CNTN3: variants seen among roughly 807,000 people sequenced by gnomAD.
The protein encoded by CNTN3 is contactin 3.
CNTN3 carries 60 observed loss-of-function variants against 119.1 expected under a neutral mutation model. That is an observed-to-expected ratio of 0.50 (90% CI 0.41 to 0.62). The LOEUF is 0.62. Ranked by LOEUF, CNTN3 falls within the 20% of genes least tolerant of loss-of-function variation. CNTN3 has a pLI of 0.00. For synonymous variants in CNTN3, 450 were observed against 438.7 expected (o/e 1.03, Z -0.32); for missense variants, 1,101 against 1,242.4 (o/e 0.89, Z 1.71).
chr3:74,561,703 G>A (rs1216284414), intron 1 of CNTN3, among the ~76,000 whole-genome samples: 1 of 152,066 alleles, frequency 6.6e-6, no homozygotes, highest in Non-Finnish European at 1.5e-5. Context: ...TTATTTCTGG[G>A]TTTAGTGTTT....
chr3:74,368,276 C>A (rs925580111), intron 8 of CNTN3, among the ~76,000 whole-genome samples: 11 of 152,030 alleles, frequency 7.2e-5, no homozygotes, highest in Non-Finnish European at 2.9e-5. Context: ...CCTTTGCAAA[C>A]TTTTCTTCCT....
chr3:74,541,448 A>T (rs1366956807), intron 1 of CNTN3, among the ~76,000 whole-genome samples: 3 of 152,174 alleles, frequency 2.0e-5, no homozygotes, highest in Non-Finnish European at 4.4e-5. Flanking sequence ...CTACCTATTC[A>T]AAACTCAAAA....
intron 19 of CNTN3, among the ~76,000 whole-genome samples, chr3:74,291,454 T>C (rs180781047): frequency 7.8e-4 from 119 of 152,314 alleles, no homozygotes; most frequent in Admixed American, 1.6e-3. Context: ...TTTCTAGTTC[T>C]AGATCCTTGA....
At chr3:74,535,149 G>A (rs1224008446) in intron 1 of CNTN3, among the ~76,000 whole-genome samples, 1 of 152,050 alleles carries the variant, frequency 6.6e-6, no homozygotes, top group African/African-American at 2.4e-5. Flanking sequence ...CAGCTTACCT[G>A]TGTTTTTAAA....
intron 1 of CNTN3, among the ~76,000 whole-genome samples, chr3:74,544,916 TA>T (rs1703893374): frequency 6.6e-6 from 1 of 152,064 alleles, no homozygotes; most frequent in South Asian, 2.1e-4. Context: ...TCTTGCACAA[TA>T]AGATGGGGAA....
intron 1 of CNTN3, among the ~76,000 whole-genome samples, chr3:74,560,582 T>G (rs1396646744): frequency 2.6e-5 from 4 of 152,194 alleles, no homozygotes; most frequent in African/African-American, 9.6e-5. Context: ...ACTCTCATCT[T>G]AAACTAGTAC....
intron 3 of CNTN3, among the ~76,000 whole-genome samples, chr3:74,488,026 T>C (rs902126841): frequency 5.4e-5 from 8 of 149,206 alleles, no homozygotes; most frequent in African/African-American, 2.0e-4. Flanking sequence ...AATTATACTG[T>C]ATAATTATAT....
intron 11 of CNTN3, among the ~76,000 whole-genome samples, chr3:74,339,857 A>AAC (rs894053703): frequency 1.3e-5 from 2 of 151,856 alleles, no homozygotes; most frequent in African/African-American, 4.8e-5. Context: ...GACTAATACA[A>AAC]ACACACACAC....
chr3:74,334,778 G>A lies in CNTN3; in HGVS notation c.1625C>T (p.Ala542Val). 1 of 1,613,544 alleles carries A rather than the reference G, an allele frequency of 6.2e-7. No individual in the cohort carries two copies. The highest frequency in any genetic ancestry group is 8.5e-7 in the Non-Finnish European group (1 of 1,179,648). Residue 542 changes from alanine (A) to valine (V), a missense_variant, in exon 13 of 23, where the codon GCA (alanine) becomes GTA (valine). Ala to Val is a moderately conservative substitution (Grantham distance 64, BLOSUM62 0). Coordinates refer to ENST00000263665, the MANE Select transcript of CNTN3 (RefSeq NM_020872.3). ...GTGAGATCCATCTTTCTTAAAATCT[G>A]CAAGGGCCCCATTGAAATACCAGGT... ...IFTWYFNGALADFKKDGSHFE... is the reference protein window; with the variant it reads ...IFTWYFNGALVDFKKDGSHFE...
chr3:74,445,185 T>C (rs1178024323), intron 4 of CNTN3, among the ~76,000 whole-genome samples: 1 of 152,240 alleles, frequency 6.6e-6, no homozygotes, highest in Non-Finnish European at 1.5e-5. Flanking sequence ...ATGTTTGCAA[T>C]GCAACACTTT....
chr3:74,423,182 C>T (rs183529368), intron 5 of CNTN3, among the ~76,000 whole-genome samples: 8 of 152,172 alleles, frequency 5.3e-5, no homozygotes, highest in Admixed American at 2.0e-4. Context: ...TTTCAGGGAG[C>T]GGACCCCTAA....
intron 1 of CNTN3, among the ~76,000 whole-genome samples, chr3:74,565,718 C>A (rs761378207): frequency 6.6e-6 from 1 of 151,892 alleles, no homozygotes; most frequent in African/African-American, 2.4e-5. Flanking sequence ...CTGTGCCCTG[C>A]CAAAATGTGA....
At chr3:74,604,483 A>G (rs1315520207) in intron 1 of CNTN3, among the ~76,000 whole-genome samples, 1 of 152,142 alleles carries the variant, frequency 6.6e-6, no homozygotes, top group Non-Finnish European at 1.5e-5. Flanking sequence ...AAATAACCTA[A>G]TTTTAAAATA....
In CNTN3 at chr3:74,399,001, T is replaced by C. The variant is rs79814291; in HGVS notation, c.454+25844A>G. ...TAGCATATCTACCAACTCAAACATT[T>C]ATCATTTCTTTCAAAATCCTCCTTC... On this transcript the variant is annotated intron_variant, in intron 5 of 22. Transcript: ENST00000263665. Among the ~76,000 whole-genome samples the C allele has an allele frequency of 5.4e-3, 823 of 152,342 alleles. 4 individuals carry two copies. The highest frequency in any genetic ancestry group is 9.3e-3 in the Non-Finnish European group (636 of 68,022).
intron 4 of CNTN3, among the ~76,000 whole-genome samples, chr3:74,476,165 T>C (rs184941147): frequency 1.2e-4 from 19 of 152,298 alleles, no homozygotes; most frequent in Admixed American, 5.9e-4. Flanking sequence ...ATAAGGTGTC[T>C]TTAAAGAGAA....
chr3:74,353,991 T>G (rs2106754626), intron 11 of CNTN3, among the ~76,000 whole-genome samples: 1 of 152,160 alleles, frequency 6.6e-6, no homozygotes, highest in African/African-American at 2.4e-5. Context: ...TCACTATTTT[T>G]TTCCCTAAAA....
At chr3:74,386,300 A>G (rs1704742633) in intron 5 of CNTN3, among the ~76,000 whole-genome samples, 1 of 152,208 alleles carries the variant, frequency 6.6e-6, no homozygotes, top group Admixed American at 6.5e-5. Flanking sequence ...ATTTTGTATA[A>G]AAGAATGTCT....
chr3:74,331,587 C>A (rs1289227136), intron 13 of CNTN3, among the ~76,000 whole-genome samples: 1 of 152,124 alleles, frequency 6.6e-6, no homozygotes, highest in African/African-American at 2.4e-5. Context: ...CAACAGCACC[C>A]AGAACTCTTG....
intron 4 of CNTN3, among the ~76,000 whole-genome samples, chr3:74,445,140 G>A (rs1401878999): frequency 6.6e-6 from 1 of 152,168 alleles, no homozygotes; most frequent in Non-Finnish European, 1.5e-5. Context: ...AATATTTAAT[G>A]CACTAATGAT....
Sources: allele counts gnomAD v4.1 joint callset (sites outside exome capture counted in the v4.1 genomes callset), GRCh38; gene constraint gnomAD v4.1.1; transcripts MANE v1.5; gene names NCBI Gene and HGNC (gene_info 2026-07-23, HGNC 2026-07-21).